CAMTA1: variants seen among roughly 807,000 people sequenced by gnomAD.
The protein encoded by CAMTA1 is calmodulin binding transcription activator 1.
A neutral mutation model predicts 170.9 loss-of-function variants in CAMTA1; 27 were observed. That is an observed-to-expected ratio of 0.16 (90% CI 0.12 to 0.22). The LOEUF is 0.22. CAMTA1 is among the 10% of genes least tolerant of loss of function. The pLI is 1.00. For synonymous variants in CAMTA1, 833 were observed against 891.5 expected, an observed-to-expected ratio of 0.93 and a Z score of 1.17; for missense variants, 1,619 against 2,217.2, an observed-to-expected ratio of 0.73 and a Z score of 5.42.
Position 7,113,065 on chromosome 1 carries a change from C to T in CAMTA1, c.302+21694C>T, listed in dbSNP as rs1644160586. On this transcript the variant is annotated intron_variant, in intron 4 of 22. Coordinates refer to ENST00000303635, the MANE Select transcript of CAMTA1 (RefSeq NM_015215.4). The surrounding 1 kb of genome is among the most constrained non-coding windows in gnomAD (Gnocchi z 4.5). The stretch of plus-strand genomic sequence containing the variant: ...TTCCGGCCTTTGCATGTGGGGCTCT[C>T]AGTTTACCCTCAGAAAGTGTGGCAT... Among the ~76,000 whole-genome samples, 1 of 152,210 alleles carries T rather than the reference C, an allele frequency of 6.6e-6. No individual in the cohort carries two copies. Among genetic ancestry groups the T allele is most frequent in the Non-Finnish European group, 1.5e-5 (1 of 68,038 alleles).
Position 7,665,181 on chromosome 1 carries a change from A to G in CAMTA1, c.2634A>G (p.Pro878=). 6.7e-7 allele frequency: 1 copy of G among 1,485,080 alleles called. No homozygotes were observed. The highest frequency in any genetic ancestry group is 8.9e-7 in the Non-Finnish European group (1 of 1,123,034). 92.0% of individuals were successfully genotyped at this position (1,485,080 alleles called of 1,614,324 possible). A position where few individuals can be genotyped will look rare whatever the true frequency, so the allele number is the denominator to read the frequency against. The change falls in exon 9 of 23, where the codon CCA becomes CCG. Residue 878 remains proline (P), a synonymous_variant. Coordinates refer to ENST00000303635, the MANE Select transcript of CAMTA1 (RefSeq NM_015215.4). This position sits in a 1 kb window ranked among gnomAD's most constrained non-coding sequence, Gnocchi z 4.3. ...GRVFMVTDYS[P]EWSYPEGGVK... ...TGTTCATGGTGACCGACTACTCCCC[A>G]GAGTGGTCTTACCCAGAGGTAAGCT...
chr1:7,465,130 C>A (rs1272683350), intron 5 of CAMTA1, among the ~76,000 whole-genome samples: 1 of 152,218 alleles, frequency 6.6e-6, no homozygotes, highest in Non-Finnish European at 1.5e-5. Flanking sequence ...AAAACTTAAA[C>A]ATTGACCGTC....
intron 6 of CAMTA1, among the ~76,000 whole-genome samples, chr1:7,507,704 G>T (rs867353518): frequency 2.0e-5 from 3 of 152,204 alleles, no homozygotes; most frequent in East Asian, 3.9e-4. Flanking sequence ...GGCCCCAGGG[G>T]CCTCTCCAGT....
At chr1:7,586,349 G>A (rs572774283) in intron 6 of CAMTA1, among the ~76,000 whole-genome samples, 83 of 152,296 alleles carry the variant, frequency 5.4e-4, no homozygotes, top group Non-Finnish European at 4.4e-4. Flanking sequence ...CCCCGTTATC[G>A]CAGAAGGCGC....
intron 6 of CAMTA1, among the ~76,000 whole-genome samples, chr1:7,591,833 C>G (rs1440395370): frequency 6.6e-6 from 1 of 152,268 alleles, no homozygotes; most frequent in East Asian, 1.9e-4. Context: ...GCAGCTCCCT[C>G]TGCCCGCCAC....
intron 6 of CAMTA1, among the ~76,000 whole-genome samples, chr1:7,531,781 C>A (rs960484086): frequency 1.3e-5 from 2 of 152,228 alleles, no homozygotes; most frequent in African/African-American, 4.8e-5. Context: ...CCTTCCATGC[C>A]GTGCCTGTGG....
chr1:7,137,113 A>G (rs950267865), intron 4 of CAMTA1, among the ~76,000 whole-genome samples: 1 of 152,260 alleles, frequency 6.6e-6, no homozygotes, highest in Admixed American at 6.5e-5. Flanking sequence ...TGGCAACTCT[A>G]ACCTGCCCCG....
intron 5 of CAMTA1, among the ~76,000 whole-genome samples, chr1:7,386,179 T>A (rs2087957326): frequency 1.3e-5 from 2 of 152,344 alleles, no homozygotes; most frequent in South Asian, 4.1e-4. Flanking sequence ...AGCCCGTCTT[T>A]TCATCTGGGA....
At chr1:7,471,830 T>C (rs998835400) in intron 6 of CAMTA1, among the ~76,000 whole-genome samples, 5 of 152,218 alleles carry the variant, frequency 3.3e-5, no homozygotes, top group Non-Finnish European at 7.4e-5. Flanking sequence ...CAGGGCCCCC[T>C]GACCTCCTCA....
chr1:7,096,831 G>A (rs187347787), intron 4 of CAMTA1, among the ~76,000 whole-genome samples: 48 of 152,202 alleles, frequency 3.2e-4, no homozygotes, highest in Admixed American at 1.2e-3. Flanking sequence ...TGATTCCATC[G>A]TTATTCTACT....
intron 5 of CAMTA1, among the ~76,000 whole-genome samples, chr1:7,361,353 C>T (rs1271308251): frequency 6.6e-6 from 1 of 152,204 alleles, no homozygotes; most frequent in Non-Finnish European, 1.5e-5. Context: ...TGTCATGGAA[C>T]TAAGAGTCAA....
intron 4 of CAMTA1, among the ~76,000 whole-genome samples, chr1:7,236,279 C>T (rs573821661): frequency 2.0e-5 from 3 of 152,338 alleles, no homozygotes; most frequent in South Asian, 2.1e-4. Context: ...TTACTGCCCT[C>T]GCTGGGTTTG....
intron 4 of CAMTA1, among the ~76,000 whole-genome samples, chr1:7,192,548 G>C (rs1267056844): frequency 1.3e-5 from 2 of 152,202 alleles, no homozygotes; most frequent in African/African-American, 4.8e-5. Context: ...TGAGGCTGGA[G>C]GCAAGTTGGA....
rs967862977 is a variant in CAMTA1 at position 7,443,397 on chromosome 1, C to CAG, written c.439-24432_439-24431insGA. 6.6e-6 allele frequency among the ~76,000 whole-genome samples: 1 copy of CAG among 152,172 alleles called. No individual in the cohort carries two copies. The highest frequency in any genetic ancestry group is 2.4e-5 in the African/African-American group (1 of 41,446). On this transcript the variant is annotated intron_variant, in intron 5 of 22. Transcript: ENST00000303635. This position sits in a 1 kb window ranked among gnomAD's most constrained non-coding sequence, Gnocchi z 4.1. Reference sequence around the variant, plus strand: ...TGCTGCATCAAGGTGGCCTTGGGAGCACGTGGAGATGATGATAGCCATGTC... The same window carrying CAG: ...TGCTGCATCAAGGTGGCCTTGGGAGCAGACGTGGAGATGATGATAGCCATGTC...
chr1:7,008,452 C>G (rs1699321948), intron 3 of CAMTA1: 1 of 152,182 alleles, frequency 6.6e-6, no homozygotes, highest in Non-Finnish European at 1.5e-5. Flanking sequence ...TAGGAAGGAG[C>G]TTGGCTCTGT....
chr1:6,884,768 A>C (rs1287520645), intron 3 of CAMTA1, among the ~76,000 whole-genome samples: 1 of 152,196 alleles, frequency 6.6e-6, no homozygotes, highest in Non-Finnish European at 1.5e-5. Context: ...TGTAGTGCTA[A>C]AATCCTGGGA....
At chr1:7,013,050 G>A (rs935571749) in intron 3 of CAMTA1, among the ~76,000 whole-genome samples, 2 of 149,170 alleles carry the variant, frequency 1.3e-5, no homozygotes, top group East Asian at 2.0e-4. Flanking sequence ...CCCCTCTCTC[G>A]TCTCCACACG....
intron 5 of CAMTA1, among the ~76,000 whole-genome samples, chr1:7,403,794 T>G (rs1181318459): frequency 1.3e-5 from 2 of 152,176 alleles, no homozygotes; most frequent in Non-Finnish European, 2.9e-5. Flanking sequence ...GCTTCTGTGC[T>G]GAGGCTTCCA....
At chr1:7,478,450 C>T (rs918779015) in intron 6 of CAMTA1, among the ~76,000 whole-genome samples, 3 of 152,220 alleles carry the variant, frequency 2.0e-5, no homozygotes, top group South Asian at 2.1e-4. Flanking sequence ...CCTGGCCTGG[C>T]CTGCCGACGC....
Sources: allele counts gnomAD v4.1 joint callset (sites outside exome capture counted in the v4.1 genomes callset), GRCh38; gene constraint gnomAD v4.1.1; non-coding constraint Gnocchi (gnomAD v3.1); transcripts MANE v1.5; gene names NCBI Gene and HGNC (gene_info 2026-07-23, HGNC 2026-07-21).